KANK1: variants seen among roughly 807,000 people sequenced by gnomAD.
KANK1 encodes the protein KN motif and ankyrin repeat domain-containing protein 1.
Under a neutral mutation model 106.2 loss-of-function variants are expected in KANK1, and 109 were observed. The ratio of observed to expected loss-of-function variants is 1.03; its 90% confidence interval spans 0.88 to 1.20. KANK1 has a LOEUF of 1.20. Among genes scored for constraint, KANK1 ranks in the 50% most tolerant of loss-of-function variants. The pLI, the probability that KANK1 is intolerant of heterozygous loss-of-function variation, is 0.00. For missense variants in KANK1, 2,399 were observed against 1,710.7 expected (o/e 1.40, Z -7.10); for synonymous variants, 873 against 652.2 (o/e 1.34, Z -5.16).
chr9:730,503 C>G (rs1831929853), intron 4 of KANK1: 1 of 437,942 alleles, frequency 2.3e-6, no homozygotes, highest in South Asian at 2.1e-5. Flanking sequence ...ACCAGCCTGG[C>G]CAACATGGTG....
At chr9:606,271 G>A (rs1829119627) in intron 1 of KANK1, among the ~76,000 whole-genome samples, 1 of 149,570 alleles carries the variant, frequency 6.7e-6, no homozygotes, top group South Asian at 2.1e-4. Context: ...AGAAGGGCTG[G>A]GGGTGGTGGG....
chr9:594,300 G>C (rs1031066101), intron 1 of KANK1, among the ~76,000 whole-genome samples: 9 of 151,942 alleles, frequency 5.9e-5, no homozygotes, highest in Admixed American at 2.0e-4. Context: ...GCAGGAGGTG[G>C]AGAAAGGCTA....
intron 10 of KANK1, 137 bp from the exon 11 acceptor site, chr9:744,354 G>C: frequency 1.0e-6 from 1 of 987,968 alleles, no homozygotes; most frequent in Middle Eastern, 3.3e-4. Flanking sequence ...TCCCAAAAAA[G>C]TTTCCCAGAA....
At chr9:689,563 C>A (rs1356652765) in intron 2 of KANK1, among the ~76,000 whole-genome samples, 3 of 148,468 alleles carry the variant, frequency 2.0e-5, no homozygotes, top group African/African-American at 7.5e-5. Context: ...AATGGAAAAG[C>A]AGGCACCTTT....
chr9:712,110 G>C lies in KANK1; in HGVS notation c.1344G>C (p.Met448Ile), dbSNP rs1826294272. The C allele has an allele frequency of 1.9e-6, 3 of 1,614,054 alleles. No homozygotes were observed. The highest frequency in any genetic ancestry group is 2.5e-6 in the Non-Finnish European group (3 of 1,180,044). The part of the protein sequence containing the change: ...VSVTEAMLGV[M>I]TEADKEIELQ... ...TGACAGAGGCCATGCTTGGAGTGAT[G>C]ACTGAAGCTGACAAAGAAATTGAGC... Residue 448 changes from methionine to isoleucine, a missense_variant, in exon 3 of 12, where the codon ATG (methionine) becomes ATC (isoleucine). Physicochemically the swap from Met to Ile is conservative, Grantham distance 10. Coordinates refer to ENST00000382297, the MANE Select transcript of KANK1 (RefSeq NM_015158.5).
chr9:590,592 A>T (rs948768561), intron 1 of KANK1, among the ~76,000 whole-genome samples: 2 of 151,984 alleles, frequency 1.3e-5, no homozygotes, highest in African/African-American at 4.8e-5. Flanking sequence ...TGTTAAAAAT[A>T]TGTAACTTTA....
intron 3 of KANK1, among the ~76,000 whole-genome samples, chr9:727,172 A>T (rs1218464088): frequency 4.6e-5 from 7 of 152,176 alleles, no homozygotes; most frequent in Non-Finnish European, 1.0e-4. Context: ...TTACTGTTTT[A>T]AACATGGAAA....
At chr9:613,367 C>T (rs573069535) in intron 1 of KANK1, among the ~76,000 whole-genome samples, 1 of 151,336 alleles carries the variant, frequency 6.6e-6, no homozygotes, top group Non-Finnish European at 1.5e-5. Flanking sequence ...TCCTTTATGA[C>T]AAGCTTGTCC....
chr9:663,471 A>G (rs1452645472), intron 1 of KANK1, among the ~76,000 whole-genome samples: 2 of 152,240 alleles, frequency 1.3e-5, no homozygotes, highest in African/African-American at 2.4e-5. Flanking sequence ...ATACCGAGTC[A>G]TAAAATTATT....
chr9:686,653 C>T, intron 2 of KANK1: 2 of 618,064 alleles, frequency 3.2e-6, no homozygotes, highest in Non-Finnish European at 4.0e-6. Context: ...ACACTTTATA[C>T]AGCTTCCAAG....
intron 1 of KANK1, among the ~76,000 whole-genome samples, chr9:582,311 G>C (rs1297744798): frequency 1.3e-5 from 2 of 152,112 alleles, no homozygotes; most frequent in African/African-American, 2.4e-5. Context: ...TTGTTGTTTG[G>C]CTGTTTCCAA....
chr9:545,607 C>T (rs1411645642), intron 1 of KANK1, among the ~76,000 whole-genome samples: 1 of 151,958 alleles, frequency 6.6e-6, no homozygotes, highest in Non-Finnish European at 1.5e-5. Context: ...CCAGCATTAG[C>T]TCCTGCAGAG....
chr9:540,883 A>G (rs2060559244), intron 1 of KANK1, among the ~76,000 whole-genome samples: 2 of 152,096 alleles, frequency 1.3e-5, no homozygotes, highest in Admixed American at 6.6e-5. Flanking sequence ...TCTTTCATGT[A>G]TAATTTTGTC....
chr9:676,149 C>G (rs1284064961), intron 1 of KANK1, among the ~76,000 whole-genome samples: 1 of 152,158 alleles, frequency 6.6e-6, no homozygotes, highest in Non-Finnish European at 1.5e-5. Flanking sequence ...TCTTTGTGAC[C>G]TGTATCTTGT....
chr9:724,288 AGT>A (rs1283890386), intron 3 of KANK1, among the ~76,000 whole-genome samples: 2 of 152,182 alleles, frequency 1.3e-5, no homozygotes, highest in Non-Finnish European at 2.9e-5. Context: ...AAAATAATCC[AGT>A]GTGAGTGGGC....
intron 3 of KANK1, chr9:484,298 C>T (rs3739594): frequency 0.24 from 35,885 of 152,180 alleles, 5,122 homozygotes; most frequent in East Asian, 0.46. Flanking sequence ...TGTGTGGCCT[C>T]ACCTAACTTC....
intron 1 of KANK1, among the ~76,000 whole-genome samples, chr9:624,550 T>A (rs964359292): frequency 1.3e-5 from 2 of 152,138 alleles, no homozygotes; most frequent in Non-Finnish European, 2.9e-5. Context: ...ATGCCTGTAA[T>A]CCCAGCACTT....
intron 1 of KANK1, among the ~76,000 whole-genome samples, chr9:639,024 A>G (rs745307558): frequency 2.1e-4 from 32 of 152,212 alleles, no homozygotes; most frequent in Non-Finnish European, 4.3e-4. Context: ...TGAATAGTGC[A>G]TAACAGAAAT....
At chr9:721,706 T>C (rs1829388158) in intron 3 of KANK1, among the ~76,000 whole-genome samples, 1 of 152,198 alleles carries the variant, frequency 6.6e-6, no homozygotes, top group Non-Finnish European at 1.5e-5. Flanking sequence ...AGGCTTCAGG[T>C]TGGTTCTACA....
Sources: allele counts gnomAD v4.1 joint callset (sites outside exome capture counted in the v4.1 genomes callset), GRCh38; gene constraint gnomAD v4.1.1; transcripts MANE v1.5; gene names NCBI Gene and HGNC (gene_info 2026-07-23, HGNC 2026-07-21).